Variants in TBCD observed in about 807,000 individuals in gnomAD.
The protein encoded by TBCD is tubulin-specific chaperone D.
In TBCD, 105 loss-of-function variants were observed where a neutral mutation model predicts 169.3. The ratio of observed to expected loss-of-function variants is 0.62; its 90% CI spans 0.53 to 0.73. TBCD has a LOEUF of 0.73. Among genes scored for constraint, TBCD ranks in the 30% least tolerant of loss-of-function variants. The pLI is 0.00. For missense variants in TBCD, 1,444 were observed against 1,600.1 expected (o/e 0.90, Z 1.66); for synonymous variants, 700 against 643.9 (o/e 1.09, Z -1.32).
chr17:82,822,953 G>T (rs1377752016), intron 13 of TBCD, among the ~76,000 whole-genome samples: 5 of 152,228 alleles, frequency 3.3e-5, no homozygotes, highest in Admixed American at 3.3e-4. Context: ...GGGAGGTGGA[G>T]AAAAGGGGAG....
intron 13 of TBCD, among the ~76,000 whole-genome samples, chr17:82,840,964 T>TGTTTTTTTTG (rs1567869624): frequency 7.6e-6 from 1 of 131,878 alleles, no homozygotes; most frequent in African/African-American, 3.0e-5. Context: ...GTTTTTTTTT[T>TGTTTTTTTTG]TTTTTTTTTT....
chr17:82,855,964 T>C (rs1220587357), intron 13 of TBCD, among the ~76,000 whole-genome samples: 1 of 151,630 alleles, frequency 6.6e-6, no homozygotes, highest in Non-Finnish European at 1.5e-5. Context: ...CTGAATAATA[T>C]TGCTTTGTAT....
At chr17:82,888,594 A>C (rs1395238103) in intron 15 of TBCD, among the ~76,000 whole-genome samples, 2 of 152,154 alleles carry the variant, frequency 1.3e-5, no homozygotes, top group Non-Finnish European at 2.9e-5. Context: ...TGTTTCCTCC[A>C]ATCTCCAGCC....
At chr17:82,909,547 G>A (rs1024543149) in intron 22 of TBCD, among the ~76,000 whole-genome samples, 4 of 148,916 alleles carry the variant, frequency 2.7e-5, no homozygotes, top group African/African-American at 9.8e-5. Context: ...ACCTGGTTGT[G>A]TGTTTGGGTT....
chr17:82,878,889 G>T (rs2058158531), intron 14 of TBCD, among the ~76,000 whole-genome samples: 2 of 152,118 alleles, frequency 1.3e-5, no homozygotes. Context: ...GCTCCTGCCA[G>T]TGTGGACTCA....
At chr17:82,867,067 T>A (rs74000112) in intron 13 of TBCD, among the ~76,000 whole-genome samples, 1,570 of 152,288 alleles carry the variant, frequency 0.01, 20 homozygotes, top group African/African-American at 0.035. Flanking sequence ...ACTACGATGG[T>A]GCTAAAGAGA....
intron 13 of TBCD, among the ~76,000 whole-genome samples, chr17:82,853,237 G>A (rs2055958101): frequency 1.3e-5 from 2 of 151,502 alleles, no homozygotes; most frequent in Admixed American, 6.6e-5. Context: ...GTGCCACCAC[G>A]CCCAGCTAAT....
chr17:82,813,630 G>A (rs1159385773), intron 12 of TBCD, among the ~76,000 whole-genome samples: 1 of 152,156 alleles, frequency 6.6e-6, no homozygotes, highest in African/African-American at 2.4e-5. Context: ...TTTAAGTCAC[G>A]GTAACCTTGG....
At chr17:82,921,899 G>T (rs555008352) in intron 25 of TBCD, among the ~76,000 whole-genome samples, 1 of 152,306 alleles carries the variant, frequency 6.6e-6, no homozygotes, top group Non-Finnish European at 1.5e-5. Flanking sequence ...TGTAGGATCT[G>T]AGGTTTGGAA....
In TBCD at chr17:82,942,558, C is replaced by T; in HGVS notation, c.*95C>T. 2 of 1,569,762 alleles carry T rather than the reference C, an allele frequency of 1.3e-6. No individual in the cohort carries two copies. Among genetic ancestry groups the T allele is most frequent in the Middle Eastern group, 1.7e-4 (1 of 5,980 alleles). ...GGAAAGCCTCGCACAGTGGTGCCTCCAGCTGTTGAAGGGTAGCGCTGGCCC... is the reference window on the plus strand; with the variant it reads ...GGAAAGCCTCGCACAGTGGTGCCTCTAGCTGTTGAAGGGTAGCGCTGGCCC... On this transcript the variant is annotated 3_prime_UTR_variant, in exon 39 of 39. Transcript: ENST00000355528.
chr17:82,920,866 A>G lies in TBCD; in HGVS notation c.2101+248A>G. The G allele has an allele frequency of 3.9e-6, 2 of 511,832 alleles. No homozygotes were observed. The highest frequency in any genetic ancestry group is 3.5e-5 in the East Asian group (1 of 28,324). The allele number at this position is 511,832 out of a possible 1,614,324, so 31.7% of individuals were successfully genotyped here. ...TCAGTACCCCCACCTCCTCGCTTCC[A>G]TGCCCAGGGCCCGGCACTCTGGGTC... On this transcript the variant is annotated intron_variant, in intron 24 of 38. Coordinates refer to ENST00000355528, the MANE Select transcript of TBCD (RefSeq NM_005993.5). This position sits in a 1 kb window ranked among gnomAD's most constrained non-coding sequence, Gnocchi z 4.1.
At chr17:82,888,055 G>T (rs561327859) in intron 15 of TBCD, among the ~76,000 whole-genome samples, 2 of 152,252 alleles carry the variant, frequency 1.3e-5, no homozygotes, top group South Asian at 4.1e-4. Context: ...CTCTTCATAG[G>T]GCAAGAGTTT....
chr17:82,925,181 C>T, intron 27 of TBCD, 124 bp downstream of exon 27: 1 of 796,836 alleles, frequency 1.3e-6, no homozygotes, highest in African/African-American at 1.7e-5. Flanking sequence ...GAGGGGGTTC[C>T]TGGAAACCGG....
rs1568164795 is a variant in TBCD, at chr17:82,806,541, C to A, written c.1087+530C>A. Among the ~76,000 whole-genome samples, 1 of 152,126 alleles carries A rather than the reference C, an allele frequency of 6.6e-6. No homozygotes were observed. The highest frequency in any genetic ancestry group is 2.4e-5 in the African/African-American group (1 of 41,420). ...TCCTGGGCTCCTGTCCACACACTGT[C>A]CTGCCCTCCTGCCGCGGTTGGATGA... On this transcript the variant is annotated intron_variant, in intron 10 of 38. Coordinates refer to ENST00000355528, the MANE Select transcript of TBCD (RefSeq NM_005993.5). The surrounding 1 kb of genome is among the most constrained non-coding windows in gnomAD (Gnocchi z 5.1).
intron 13 of TBCD, among the ~76,000 whole-genome samples, chr17:82,827,014 A>G (rs773931769): frequency 2.6e-5 from 4 of 152,156 alleles, no homozygotes; most frequent in Non-Finnish European, 5.9e-5. Flanking sequence ...CAAGCAATCC[A>G]TCCGCTTTGG....
In TBCD at chr17:82,834,503, C is replaced by T. The variant is rs138484164; in HGVS notation, c.1318+19569C>T. ...AGTGATAGACTGAATAAAGAAAATG[C>T]GGCACATATACACCATGGAATACTG... On this transcript the variant is annotated intron_variant, in intron 13 of 38. Transcript: ENST00000355528. Among the ~76,000 whole-genome samples, 20 of 152,214 alleles carry T rather than the reference C, an allele frequency of 1.3e-4. No individual in the cohort carries two copies. In the East Asian group the frequency reaches 2.7e-3, roughly 21 times the overall value.
At position 82,849,886 on chromosome 17, in the gene TBCD, C is replaced by CTGTTGGCTGTGCTGT. The variant is rs766850804; in HGVS notation, c.1319-20312_1319-20298dup. Among the ~76,000 whole-genome samples, 215 of 151,304 alleles carry CTGTTGGCTGTGCTGT rather than the reference C, an allele frequency of 1.4e-3. 6 individuals are homozygous for CTGTTGGCTGTGCTGT. Among genetic ancestry groups the CTGTTGGCTGTGCTGT allele is most frequent in the African/African-American group, 4.5e-3 (185 of 41,056 alleles). On this transcript the variant is annotated intron_variant, in intron 13 of 38. Transcript: ENST00000355528. The stretch of plus-strand genomic sequence containing the variant: ...CGCGGCAGCTCTTGAGGCTGTGCTG[C>CTGTTGGCTGTGCTGT]TGTTGGCTGTGCTGTTGTTGGCTGT...
At chr17:82,918,767 C>A (rs1226263283) in intron 23 of TBCD, 1 of 152,220 alleles carries the variant, frequency 6.6e-6, no homozygotes, top group African/African-American at 2.4e-5. Flanking sequence ...TTATAAAATA[C>A]ATTTAAAGTT....
chr17:82,930,719 G>C lies in TBCD; in HGVS notation c.3113+76G>C. On this transcript the variant is annotated intron_variant, in intron 33 of 38. Transcript: ENST00000355528. This position sits in a 1 kb window ranked among gnomAD's most constrained non-coding sequence, Gnocchi z 5.2. The stretch of plus-strand genomic sequence containing the variant: ...TCACCACGTTCCCACAGATTCCCGG[G>C]GTCTCGCAGGGTCTGTCTGGGGTCT... 6.3e-7 allele frequency: 1 copy of C among 1,594,906 alleles called. No homozygotes were observed. The highest frequency in any genetic ancestry group is 8.5e-7 in the Non-Finnish European group (1 of 1,169,996).
Sources: allele counts gnomAD v4.1 joint callset (sites outside exome capture counted in the v4.1 genomes callset), GRCh38; gene constraint gnomAD v4.1.1; non-coding constraint Gnocchi (gnomAD v3.1); transcripts MANE v1.5; gene names NCBI Gene and HGNC (gene_info 2026-07-23, HGNC 2026-07-21).